NIPAL4: variants seen among roughly 807,000 people sequenced by gnomAD.
NIPAL4 encodes magnesium transporter NIPA4.
A neutral mutation model predicts 31.6 loss-of-function variants in NIPAL4; 21 were observed. That is an observed-to-expected ratio of 0.67 (90% CI 0.47 to 0.96). NIPAL4 has a LOEUF of 0.96. Among genes scored for constraint, NIPAL4 ranks in the 40% least tolerant of loss-of-function variants. The pLI, the probability that NIPAL4 is intolerant of heterozygous loss-of-function variation, is 0.00. For missense variants in NIPAL4, 438 were observed against 508.0 expected (o/e 0.86, Z 1.32); for synonymous variants, 175 against 211.1 (o/e 0.83, Z 1.48).
rs775396773 is a variant in NIPAL4 at position 157,472,837 on chromosome 5, T to G, written c.1092T>G (p.Pro364=). 6 of 1,566,076 alleles carry G rather than the reference T, an allele frequency of 3.8e-6. No homozygotes were observed. Among genetic ancestry groups the G allele is most frequent in the Non-Finnish European group, 5.2e-6 (6 of 1,144,258 alleles). The change falls in exon 6 of 6, where the codon CCT becomes CCG. Residue 364 remains proline (P), a synonymous_variant. Transcript: ENST00000311946. ...CCCACATGCACAAAAACCCACCCCC[T>G]TCTCCCGCCCCGGAACCCACTGTTA... ...SLPHMHKNPP[P]SPAPEPTVIR...
chr5:157,471,961 C>A, intron 5 of NIPAL4, 144 bp downstream of exon 5: 1 of 661,264 alleles, frequency 1.5e-6, no homozygotes, highest in African/African-American at 1.8e-5. Context: ...TGTTAATGGG[C>A]TGGTACTTGT....
chr5:157,463,782 G>A (rs1319134864), intron 2 of NIPAL4, among the ~76,000 whole-genome samples: 1 of 152,172 alleles, frequency 6.6e-6, no homozygotes, highest in Non-Finnish European at 1.5e-5. Context: ...CTTCTGGGCT[G>A]CCAAAAAATG....
chr5:157,470,879 T>C (rs1754411384), intron 4 of NIPAL4, among the ~76,000 whole-genome samples: 1 of 152,184 alleles, frequency 6.6e-6, no homozygotes, highest in African/African-American at 2.4e-5. Flanking sequence ...GATGTGTCCA[T>C]TGGGAAGGCA....
rs1454224079 is a variant in NIPAL4 at position 157,472,356 on chromosome 5, T to C, written c.611T>C (p.Leu204Pro). The C allele has an allele frequency of 6.2e-7, 1 of 1,607,384 alleles. No individual in the cohort carries two copies. Among genetic ancestry groups the C allele is most frequent in the African/African-American group, 1.3e-5 (1 of 74,986 alleles). The change falls in exon 6 of 6, where the codon CTG becomes CCG. Residue 204 changes from leucine to proline, a missense_variant. Transcript: ENST00000311946. ...DTGFIVFAVL[L>P]LVSCLILIFV... The stretch of plus-strand genomic sequence containing the variant: ...GGGTTCATCGTGTTTGCTGTGCTTC[T>C]GCTGGTGTCATGCCTCATCCTCATC...
intron 2 of NIPAL4, among the ~76,000 whole-genome samples, chr5:157,463,606 C>G (rs1754171888): frequency 6.6e-6 from 1 of 152,174 alleles, no homozygotes; most frequent in African/African-American, 2.4e-5. Context: ...AGGGAAGGGA[C>G]AAGTCTCAGG....
Position 157,473,532 on chromosome 5 carries a change from C to T in NIPAL4, c.*572C>T, listed in dbSNP as rs1255386438. 6.6e-6 allele frequency: 1 copy of T among 152,282 alleles called. No homozygotes were observed. The highest frequency in any genetic ancestry group is 1.5e-5 in the Non-Finnish European group (1 of 68,104). The allele number at this position is 152,282 out of a possible 1,614,324, so 9.4% of individuals were successfully genotyped here. A position where few individuals can be genotyped will look rare whatever the true frequency, so the allele number is the denominator to read the frequency against. On this transcript the variant is annotated 3_prime_UTR_variant, in exon 6 of 6. Transcript: ENST00000311946. ...TCCTCTTTGGAGGCAGAAGCAAGAC[C>T]TCAGCTGACCTTCTTACTGTGAAAG... is the stretch of plus-strand genomic sequence containing the variant.
chr5:157,467,019 A>G (rs1333602141), intron 2 of NIPAL4, 30 bp from the exon 3 acceptor site: 11 of 1,584,138 alleles, frequency 6.9e-6, no homozygotes, highest in African/African-American at 1.3e-5. Context: ...GCCAAGTTCC[A>G]TCCTAACTTT....
Position 157,474,534 on chromosome 5 carries a change from G to C in NIPAL4, c.*1574G>C, listed in dbSNP as rs983021479. On this transcript the variant is annotated 3_prime_UTR_variant, in exon 6 of 6. Coordinates refer to ENST00000311946, the MANE Select transcript of NIPAL4 (RefSeq NM_001099287.2). ...TTCCTGCTGGCCTTGGAACTCCAAG[G>C]TTTGGCTGACCAGCAGACTGGCTCC... 1.3e-5 allele frequency: 2 copies of C among 152,212 alleles called. No homozygotes were observed. The highest frequency in any genetic ancestry group is 4.8e-5 in the African/African-American group (2 of 41,444). 9.4% of individuals were successfully genotyped at this position (152,212 alleles called of 1,614,324 possible).
chr5:157,473,003 C>G lies in NIPAL4; in HGVS notation c.*43C>G, dbSNP rs754328982. On this transcript the variant is annotated 3_prime_UTR_variant, in exon 6 of 6. Transcript: ENST00000311946. ...TGAGAGGATGAGTCCGATGGTACAG[C>G]CTGCCCTCCCAATTTCAAAACCACC... is the stretch of plus-strand genomic sequence containing the variant. The G allele has an allele frequency of 1.4e-6, 2 of 1,459,592 alleles. No homozygotes were observed. The highest frequency in any genetic ancestry group is 3.1e-5 in the South Asian group (2 of 64,840). 90.4% of individuals were successfully genotyped at this position (1,459,592 alleles called of 1,614,324 possible).
rs1754514823 is a variant in NIPAL4, at chr5:157,474,012, G to A, written c.*1052G>A. The A allele has an allele frequency of 1.3e-5, 2 of 152,276 alleles. No individual in the cohort carries two copies. Among genetic ancestry groups the A allele is most frequent in the South Asian group, 4.1e-4 (2 of 4,834 alleles). 9.4% of individuals were successfully genotyped at this position (152,276 alleles called of 1,614,324 possible). On this transcript the variant is annotated 3_prime_UTR_variant, in exon 6 of 6. Coordinates refer to ENST00000311946, the MANE Select transcript of NIPAL4 (RefSeq NM_001099287.2). The stretch of plus-strand genomic sequence containing the variant: ...TTGTGTTGACTCTGGTGCTCATCTG[G>A]GAACTTAGGAGAAACGAGCTCAGGG...
chr5:157,471,843 G>C (rs1455767491), intron 5 of NIPAL4, 26 bp downstream of exon 5: 25 of 1,550,140 alleles, frequency 1.6e-5, no homozygotes, highest in Non-Finnish European at 1.9e-5. Context: ...CTGAAGAGCA[G>C]GAAAATACTG....
At position 157,472,928 on chromosome 5, in the gene NIPAL4, G is replaced by T. The variant is rs1236218101; in HGVS notation, c.1183G>T (p.Glu395Ter). The stretch of plus-strand genomic sequence containing the variant: ...ACTTGCCAGCACCTCATCACCAGAA[G>T]AGAAACCCAAAGTATTTATAATCCA... ...IELASTSSPE[E>*]KPKVFIIHS is the part of the protein sequence containing the mutation. The change falls in exon 6 of 6, where the codon GAG (glutamate) becomes TAG (stop). Residue 395 changes from glutamate (E) to a stop codon, truncating the protein, a stop_gained. Transcript: ENST00000311946. LOFTEE classifies it high-confidence loss of function. 4.6e-6 allele frequency: 7 copies of T among 1,520,474 alleles called. No homozygotes were observed. The highest frequency in any genetic ancestry group is 1.8e-4 in the Middle Eastern group (1 of 5,598). The allele number at this position is 1,520,474 out of a possible 1,614,324, so 94.2% of individuals were successfully genotyped here.
At position 157,472,550 on chromosome 5, in the gene NIPAL4, C is replaced by T; in HGVS notation, c.805C>T (p.Leu269Phe). The T allele has an allele frequency of 6.2e-7, 1 of 1,613,968 alleles. No individual in the cohort carries two copies. Among genetic ancestry groups the T allele is most frequent in the Non-Finnish European group, 8.5e-7 (1 of 1,179,900 alleles). The change falls in exon 6 of 6, where the codon CTC (leucine) becomes TTC (phenylalanine). Residue 269 changes from leucine to phenylalanine, a missense_variant. Physicochemically the swap from Leu to Phe is conservative, Grantham distance 22. Transcript: ENST00000311946. Reference protein sequence around the residue: ...VRHPLPYILSLILALSLSTQV... With the variant: ...VRHPLPYILSFILALSLSTQV... ...GCACCCGCTCCCCTACATCCTGTCC[C>T]TCATCCTGGCACTGTCCCTCAGCAC...
In NIPAL4 at chr5:157,474,027, C is replaced by T. The variant is rs575671275; in HGVS notation, c.*1067C>T. On this transcript the variant is annotated 3_prime_UTR_variant, in exon 6 of 6. Coordinates refer to ENST00000311946, the MANE Select transcript of NIPAL4 (RefSeq NM_001099287.2). ...TGCTCATCTGGGAACTTAGGAGAAA[C>T]GAGCTCAGGGGTAATTTCTGGGTTG... is the stretch of plus-strand genomic sequence containing the variant. 2.0e-5 allele frequency: 3 copies of T among 152,346 alleles called. No homozygotes were observed. The highest frequency in any genetic ancestry group is 2.1e-4 in the South Asian group (1 of 4,820). The allele number at this position is 152,346 out of a possible 1,614,324, so 9.4% of individuals were successfully genotyped here.
intron 2 of NIPAL4, among the ~76,000 whole-genome samples, chr5:157,465,074 G>T (rs1282646666): frequency 6.6e-6 from 1 of 152,154 alleles, no homozygotes; most frequent in East Asian, 1.9e-4. Flanking sequence ...TTATCTCAGT[G>T]GGAGGTTCCC....
chr5:157,468,821 C>G lies in NIPAL4; in HGVS notation c.425+9C>G, dbSNP rs577310594. 1 of 1,568,706 alleles carries G rather than the reference C, an allele frequency of 6.4e-7. No individual in the cohort carries two copies. The highest frequency in any genetic ancestry group is 8.7e-7 in the Non-Finnish European group (1 of 1,145,274). On this transcript the variant is annotated intron_variant, in intron 4 of 5. Coordinates refer to ENST00000311946, the MANE Select transcript of NIPAL4 (RefSeq NM_001099287.2). ...CTGAGTGTCCTCATAAGGTTATTGT[C>G]CCCTCTCTAGCTCTCTCTTTTTCTA...
intron 1 of NIPAL4, among the ~76,000 whole-genome samples, chr5:157,461,209 T>A (rs1377652877): frequency 6.6e-6 from 1 of 152,214 alleles, no homozygotes; most frequent in Non-Finnish European, 1.5e-5. Flanking sequence ...GGCAGGCATT[T>A]TCAGCCTCAC....
intron 2 of NIPAL4, among the ~76,000 whole-genome samples, chr5:157,464,449 C>T (rs376890169): frequency 3.0e-4 from 45 of 152,154 alleles, no homozygotes; most frequent in African/African-American, 2.9e-4. Flanking sequence ...GGGTGAAGAA[C>T]GGATTAGGGG....
chr5:157,471,362 A>G (rs1581271637), intron 4 of NIPAL4, among the ~76,000 whole-genome samples: 1 of 152,210 alleles, frequency 6.6e-6, no homozygotes, highest in East Asian at 1.9e-4. Flanking sequence ...TTTATTCTTC[A>G]GTACCAGCTC....
Sources: gnomAD v4.1 joint callset for allele counts (sites outside exome capture counted in the v4.1 genomes callset) on GRCh38, gnomAD v4.1.1 for gene constraint, MANE v1.5 for transcripts, NCBI Gene and HGNC (gene_info 2026-07-23, HGNC 2026-07-21) for gene names.